Variants in MCCC1 observed in about 807,000 individuals in gnomAD.
MCCC1 encodes the protein methylcrotonoyl-CoA carboxylase subunit alpha, mitochondrial.
MCCC1 carries 64 observed loss-of-function variants against 83.8 expected under a neutral mutation model. The ratio of observed to expected loss-of-function variants is 0.76; its 90% confidence interval spans 0.62 to 0.94. The LOEUF (loss-of-function observed/expected upper bound fraction) is 0.94, where lower values mean the gene tolerates loss of function less well. Ranked by LOEUF, MCCC1 falls within the 40% of genes least tolerant of loss-of-function variation. The pLI is 0.00. For missense variants in MCCC1, 807 were observed against 904.7 expected (o/e 0.89, Z 1.39); for synonymous variants, 322 against 315.4 (o/e 1.02, Z -0.22).
chr3:183,046,535 CCACAGGCG>C (rs1237071002), intron 9 of MCCC1, among the ~76,000 whole-genome samples: 2 of 151,830 alleles, frequency 1.3e-5, no homozygotes, highest in Admixed American at 6.6e-5. Flanking sequence ...GTAGATGGGA[CCACAGGCG>C]CACACCACTA....
intron 7 of MCCC1, among the ~76,000 whole-genome samples, chr3:183,069,269 C>T (rs1042643642): frequency 1.3e-5 from 2 of 152,118 alleles, no homozygotes; most frequent in African/African-American, 4.8e-5. Context: ...CAATGTATGG[C>T]TAACATTTCA....
intron 9 of MCCC1, 80 bp from the exon 10 acceptor site, chr3:183,045,620 A>G (rs1714497429): frequency 1.4e-6 from 2 of 1,455,714 alleles, no homozygotes; most frequent in East Asian, 4.6e-5. Context: ...GCATCACATC[A>G]AGTTTTACCG....
intron 4 of MCCC1, among the ~76,000 whole-genome samples, chr3:183,077,369 G>T (rs1717155449): frequency 6.6e-6 from 1 of 152,116 alleles, no homozygotes; most frequent in Non-Finnish European, 1.5e-5. Flanking sequence ...AACATAGAAG[G>T]GTTCCAATTT....
At chr3:183,078,539 ACTT>A (rs921856116) in intron 4 of MCCC1, among the ~76,000 whole-genome samples, 1 of 152,140 alleles carries the variant, frequency 6.6e-6, no homozygotes, top group African/African-American at 2.4e-5. Context: ...TTTATTTAGA[ACTT>A]CTTTAGTATC....
intron 1 of MCCC1, among the ~76,000 whole-genome samples, chr3:183,111,425 G>A (rs1289435414): frequency 6.6e-6 from 1 of 151,918 alleles, no homozygotes; most frequent in Non-Finnish European, 1.5e-5. Context: ...TCAGCCTCCC[G>A]AGTAGCTGGG....
chr3:183,114,802 C>T (rs1388848503), intron 1 of MCCC1, among the ~76,000 whole-genome samples: 1 of 152,172 alleles, frequency 6.6e-6, no homozygotes, highest in African/African-American at 2.4e-5. Context: ...CCTCCTGCCT[C>T]TCCACTGTCT....
chr3:183,026,313 A>G (rs886888234), intron 14 of MCCC1, among the ~76,000 whole-genome samples: 2 of 152,214 alleles, frequency 1.3e-5, no homozygotes, highest in African/African-American at 4.8e-5. Flanking sequence ...AAGTGCTAGA[A>G]TTACAGACAT....
intron 1 of MCCC1, among the ~76,000 whole-genome samples, chr3:183,110,186 T>A (rs1719470415): frequency 6.6e-6 from 1 of 152,158 alleles, no homozygotes; most frequent in Non-Finnish European, 1.5e-5. Context: ...TTTCTCCCAT[T>A]CTGTAGGTTA....
At chr3:183,044,195 G>A (rs1225244794) in intron 10 of MCCC1, among the ~76,000 whole-genome samples, 1 of 152,058 alleles carries the variant, frequency 6.6e-6, no homozygotes, top group African/African-American at 2.4e-5. Flanking sequence ...AAGGAACCAC[G>A]AATCCTACAT....
intron 14 of MCCC1, among the ~76,000 whole-genome samples, chr3:183,027,100 A>C (rs902922800): frequency 6.6e-6 from 1 of 152,200 alleles, no homozygotes; most frequent in African/African-American, 2.4e-5. Flanking sequence ...TATCTGTGAC[A>C]GTCATCTGCG....
At chr3:183,030,106 G>C (rs573074310) in intron 14 of MCCC1, among the ~76,000 whole-genome samples, 3 of 152,090 alleles carry the variant, frequency 2.0e-5, no homozygotes, top group Admixed American at 2.0e-4. Flanking sequence ...TCAGGAATTC[G>C]AGACCAGCCT....
chr3:183,074,485 T>G (rs1716920752), intron 4 of MCCC1, among the ~76,000 whole-genome samples: 2 of 152,192 alleles, frequency 1.3e-5, no homozygotes, highest in Non-Finnish European at 2.9e-5. Flanking sequence ...ATTATAATTA[T>G]GACCAAAACA....
At chr3:183,095,872 G>A (rs1050971445) in intron 1 of MCCC1, among the ~76,000 whole-genome samples, 1 of 152,122 alleles carries the variant, frequency 6.6e-6, no homozygotes, top group African/African-American at 2.4e-5. Flanking sequence ...TAAAAAAATG[G>A]AGAAATGGGG....
intron 7 of MCCC1, 79 bp from the exon 8 acceptor site, chr3:183,057,501 C>G (rs1380930554): frequency 3.6e-6 from 4 of 1,095,930 alleles, no homozygotes; most frequent in Non-Finnish European, 5.5e-6. Flanking sequence ...AACTGTTAGG[C>G]ACAATCACCA....
chr3:183,024,960 T>G (rs1463150381), intron 15 of MCCC1, among the ~76,000 whole-genome samples: 2 of 134,802 alleles, frequency 1.5e-5, no homozygotes, highest in Non-Finnish European at 3.2e-5. Flanking sequence ...TTTTCACCCT[T>G]AAAAAAAAAA....
chr3:183,107,529 TA>T (rs1560296247), intron 1 of MCCC1, among the ~76,000 whole-genome samples: 1 of 151,522 alleles, frequency 6.6e-6, no homozygotes, highest in Non-Finnish European at 1.5e-5. Flanking sequence ...TTATTATTAT[TA>T]TTATTTGTTG....
rs567235301 is a variant in MCCC1 at position 183,093,307 on chromosome 3, T to C, written c.137-762A>G. Reference sequence around the variant, plus strand: ...AATGAAATAGATACTATCATTGTTATCTCAATTTTAAAGATGAAGAAACTA... The same window carrying C: ...AATGAAATAGATACTATCATTGTTACCTCAATTTTAAAGATGAAGAAACTA... On this transcript the variant is annotated intron_variant, in intron 2 of 18. Transcript: ENST00000265594. Among the ~76,000 whole-genome samples the C allele has an allele frequency of 5.3e-5, 8 of 152,360 alleles. No individual in the cohort carries two copies. The East Asian group carries it at 1.3e-3, about 26-fold the overall frequency.
upstream of MCCC1, among the ~76,000 whole-genome samples, chr3:183,102,758 GTTTTTTTTTTTTTTTTTTTTTTTTT>G (rs566199257): frequency 9.9e-3 from 516 of 52,188 alleles, 9 homozygotes; most frequent in African/African-American, 0.031. Flanking sequence ...AGCAGAGAAA[GTTTTTTTTTTTTTTTTTTTTTTTTT>G]TTTTTTTTTT....
At position 183,015,543 on chromosome 3, in the gene MCCC1, A is replaced by G. The variant is rs1229558642; in HGVS notation, c.2073T>C (p.Asp691=). The change falls in exon 19 of 19, where the codon GAT becomes GAC. Residue 691 remains aspartate, a synonymous_variant. Coordinates refer to ENST00000265594, the MANE Select transcript of MCCC1 (RefSeq NM_020166.5). ...TGTAGAACACTTTCTTTACTGTGCC[A>G]TCCTTTGGAGACTTTATGGTATGCT... ...KMEHTIKSPK[D]GTVKKVFYRE... is the part of the protein sequence containing the mutation. 6.2e-7 allele frequency: 1 copy of G among 1,614,046 alleles called. No individual in the cohort carries two copies. Among genetic ancestry groups the G allele is most frequent in the African/African-American group, 1.3e-5 (1 of 74,916 alleles).
Sources: allele counts gnomAD v4.1 joint callset (sites outside exome capture counted in the v4.1 genomes callset), GRCh38; gene constraint gnomAD v4.1.1; transcripts MANE v1.5; gene names NCBI Gene and HGNC (gene_info 2026-07-23, HGNC 2026-07-21).